Variants in PCDHA2 observed in about 807,000 individuals in gnomAD.
The protein encoded by PCDHA2 is protocadherin alpha-2.
PCDHA2 carries 58 observed loss-of-function variants against 66.0 expected under a neutral mutation model. The observed-to-expected ratio is 0.88, with a 90% confidence interval of 0.71 to 1.09. The LOEUF is 1.09. Among genes scored for constraint, PCDHA2 ranks in the 50% least tolerant of loss-of-function variants. The pLI, the probability that PCDHA2 is intolerant of heterozygous loss-of-function variation, is 0.00. For synonymous variants in PCDHA2, 634 were observed against 554.0 expected, an observed-to-expected ratio of 1.14 and a Z score of -2.03; for missense variants, 1,267 against 1,242.3, an observed-to-expected ratio of 1.02 and a Z score of -0.30.
In PCDHA2 at chr5:140,937,039, C is replaced by CTT. The variant is rs34994034; in HGVS notation, c.2389-41895_2389-41894dup. On this transcript the variant is annotated intron_variant, in intron 1 of 3. Coordinates refer to ENST00000526136, the MANE Select transcript of PCDHA2 (RefSeq NM_018905.3). ...TAACAAGGTATATTCTTCCATTTATCTTTTTTTTTTTTTTTTGAGACGGAG... is the reference window on the plus strand; with the variant it reads ...TAACAAGGTATATTCTTCCATTTATCTTTTTTTTTTTTTTTTTTGAGACGGAG... 3.4e-3 allele frequency among the ~76,000 whole-genome samples: 476 copies of CTT among 140,122 alleles called. 6 individuals carry two copies. The highest frequency in any genetic ancestry group is 0.011 in the South Asian group (47 of 4,432). 91.9% of individuals were successfully genotyped at this position (140,122 alleles called of 152,430 possible).
chr5:140,842,833 G>A (rs2150345811), intron 1 of PCDHA2: 9 of 1,593,762 alleles, frequency 5.6e-6, no homozygotes. Flanking sequence ...AGCGCTCGCT[G>A]TCGAGCTACA....
At position 140,808,742 on chromosome 5, in the gene PCDHA2, G is replaced by A. The variant is rs782024587; in HGVS notation, c.2388+11390G>A. 3.7e-6 allele frequency: 6 copies of A among 1,612,130 alleles called. No homozygotes were observed. In the South Asian group the frequency reaches 6.6e-5, roughly 18 times the overall value. ...GCATGCGGAGAGCGGCAAGGTGTAC[G>A]CGCTGCAGCCGCTGGACCACGAGGA... is the stretch of plus-strand genomic sequence containing the variant. On this transcript the variant is annotated intron_variant, in intron 1 of 3. Coordinates refer to ENST00000526136, the MANE Select transcript of PCDHA2 (RefSeq NM_018905.3).
At position 140,846,759 on chromosome 5, in the gene PCDHA2, C is replaced by T. The variant is rs1032895477; in HGVS notation, c.2388+49407C>T. Among the ~76,000 whole-genome samples the T allele has an allele frequency of 1.0e-4, 15 of 149,272 alleles. 2 individuals carry two copies. Among genetic ancestry groups the T allele is most frequent in the Admixed American group, 2.0e-4 (3 of 14,888 alleles). On this transcript the variant is annotated intron_variant, in intron 1 of 3. Transcript: ENST00000526136. Reference sequence around the variant, plus strand: ...TAGGACCCTTACAGATCTCTAACAGCATATCATCATGTCAGGAATTATTAC... The same window carrying T: ...TAGGACCCTTACAGATCTCTAACAGTATATCATCATGTCAGGAATTATTAC...
At chr5:140,894,403 T>C (rs1442623931) in intron 1 of PCDHA2, among the ~76,000 whole-genome samples, 3 of 152,046 alleles carry the variant, frequency 2.0e-5, no homozygotes, top group Non-Finnish European at 4.4e-5. Context: ...TTCTTTGCTT[T>C]TCTTTTGTAG....
chr5:140,807,638 C>A (rs1554124171), intron 1 of PCDHA2: 2 of 1,614,074 alleles, frequency 1.2e-6, no homozygotes, highest in Non-Finnish European at 1.7e-6. Context: ...GCTTGACTCT[C>A]GGTTTCCACT....
chr5:140,876,330 A>G, intron 1 of PCDHA2: 2 of 1,614,042 alleles, frequency 1.2e-6, no homozygotes, highest in Admixed American at 1.7e-5. Flanking sequence ...TGATTTTGCC[A>G]GTGAGTGAGA....
intron 1 of PCDHA2, chr5:140,802,361 G>T: frequency 6.2e-7 from 1 of 1,614,220 alleles, no homozygotes; most frequent in South Asian, 1.1e-5. Flanking sequence ...TCACCTGCTC[G>T]CTGACGCCCC....
At chr5:140,986,852 A>G (rs889945842) in intron 3 of PCDHA2, among the ~76,000 whole-genome samples, 1 of 152,190 alleles carries the variant, frequency 6.6e-6, no homozygotes, top group Admixed American at 6.5e-5. Flanking sequence ...CAGCAACACC[A>G]ACAATACCCG....
At chr5:140,809,406 T>G (rs782496896) in intron 1 of PCDHA2, 1 of 1,614,160 alleles carries the variant, frequency 6.2e-7, no homozygotes, top group East Asian at 2.2e-5. Context: ...CCCACGCTGG[T>G]GTGCTCCAGT....
At chr5:140,797,944 C>A (rs1192439107) in intron 1 of PCDHA2, among the ~76,000 whole-genome samples, 2 of 152,112 alleles carry the variant, frequency 1.3e-5, no homozygotes, top group African/African-American at 2.4e-5. Context: ...CCTCTGCCAC[C>A]CGGGTTCAAG....
intron 1 of PCDHA2, chr5:140,835,998 G>T (rs2150249955): frequency 1.2e-6 from 2 of 1,613,382 alleles, no homozygotes; most frequent in Non-Finnish European, 1.7e-6. Flanking sequence ...GAGCGCGCGC[G>T]ATGCGGGCGT....
intron 1 of PCDHA2, among the ~76,000 whole-genome samples, chr5:140,912,408 T>A (rs1376927432): frequency 6.6e-6 from 1 of 152,054 alleles, no homozygotes; most frequent in Non-Finnish European, 1.5e-5. Flanking sequence ...TCAGCTTGGT[T>A]ATTATTGGTG....
chr5:140,968,739 T>C, intron 1 of PCDHA2: 1 of 1,614,192 alleles, frequency 6.2e-7, no homozygotes, highest in South Asian at 1.1e-5. Context: ...ACTTTCAACC[T>C]GACCGTGGTG....
intron 1 of PCDHA2, chr5:140,881,365 T>A (rs1216010175): frequency 1.0e-6 from 1 of 985,144 alleles, no homozygotes; most frequent in Non-Finnish European, 1.2e-6. Flanking sequence ...GGCTTTCGTA[T>A]GAATTGCAGC....
chr5:140,899,909 G>A (rs1401600020), intron 1 of PCDHA2, among the ~76,000 whole-genome samples: 1 of 152,134 alleles, frequency 6.6e-6, no homozygotes, highest in Non-Finnish European at 1.5e-5. Flanking sequence ...CTGGGCTCAA[G>A]CAATCCTCCT....
intron 1 of PCDHA2, among the ~76,000 whole-genome samples, chr5:140,893,276 G>A (rs1554185570): frequency 6.6e-6 from 1 of 152,164 alleles, no homozygotes; most frequent in African/African-American, 2.4e-5. Context: ...TAGTGGAATT[G>A]CTGGATGATA....
At chr5:140,843,096 C>G (rs2150352451) in intron 1 of PCDHA2, 2 of 1,595,598 alleles carry the variant, frequency 1.3e-6, no homozygotes, top group Non-Finnish European at 8.6e-7. Flanking sequence ...CACGTGGTAG[C>G]GAAGGTGCGC....
chr5:140,898,905 C>T (rs1313193763), intron 1 of PCDHA2, among the ~76,000 whole-genome samples: 5 of 152,060 alleles, frequency 3.3e-5, no homozygotes, highest in South Asian at 2.1e-4. Context: ...AGGTCCTTCA[C>T]GTCCCTTGTA....
chr5:140,968,206 G>A lies in PCDHA2; in HGVS notation c.2389-10743G>A, dbSNP rs782751494. Reference sequence around the variant, plus strand: ...ACTCCTATTCCATCTACATACAGGAGAACAATTTGCCAGGTGTGTTGCTCT... The same window carrying A: ...ACTCCTATTCCATCTACATACAGGAAAACAATTTGCCAGGTGTGTTGCTCT... On this transcript the variant is annotated intron_variant, in intron 1 of 3. Coordinates refer to ENST00000526136, the MANE Select transcript of PCDHA2 (RefSeq NM_018905.3). 170 of 1,613,876 alleles carry A rather than the reference G, an allele frequency of 1.1e-4. 1 individual carries two copies. Among genetic ancestry groups the A allele is most frequent in the Non-Finnish European group, 1.4e-4 (163 of 1,180,042 alleles).
Sources: allele counts gnomAD v4.1 joint callset (sites outside exome capture counted in the v4.1 genomes callset), GRCh38; gene constraint gnomAD v4.1.1; transcripts MANE v1.5; gene names NCBI Gene and HGNC (gene_info 2026-07-23, HGNC 2026-07-21).